The following SZT2 variants were observed in gnomAD, a reference collection of about 807,000 sequenced individuals.
The protein encoded by SZT2 is SZT2 subunit of KICSTOR complex.
A neutral mutation model predicts 404.2 loss-of-function variants in SZT2; 216 were observed. The observed-to-expected ratio is 0.53, with a 90% CI of 0.48 to 0.60. SZT2 has a LOEUF of 0.60. Among genes scored for constraint, SZT2 ranks in the 20% least tolerant of loss-of-function variants. The pLI, the probability that SZT2 is intolerant of heterozygous loss-of-function variation, is 0.00. For synonymous variants in SZT2, 1,693 were observed against 1,749.9 expected, an observed-to-expected ratio of 0.97 and a Z score of 0.81; for missense variants, 3,857 against 4,459.2, an observed-to-expected ratio of 0.86 and a Z score of 3.85.
rs12407785 is a variant in SZT2 at position 43,441,421 on chromosome 1, G to A, written c.7511+41G>A. 0.2 allele frequency: 327,370 copies of A among 1,611,372 alleles called. 35,763 individuals carry two copies. Among genetic ancestry groups the A allele is most frequent in the East Asian group, 0.38 (16,845 of 44,818 alleles). On this transcript the variant is annotated intron_variant, in intron 53 of 71. Coordinates refer to ENST00000634258, the MANE Select transcript of SZT2 (RefSeq NM_001365999.1). The surrounding 1 kb of genome is among the most constrained non-coding windows in gnomAD (Gnocchi z 4.8). ...TGGTGTGCCCTGGGAGGGTATGGGT[G>A]TGAAGTCACAGATGGGCCTTGGTCT...
chr1:43,413,374 T>C (rs1299701000), intron 4 of SZT2, among the ~76,000 whole-genome samples: 4 of 152,078 alleles, frequency 2.6e-5, no homozygotes, highest in Non-Finnish European at 5.9e-5. Flanking sequence ...AGAGCAAGAC[T>C]CCATCTCAAA....
In SZT2 at chr1:43,403,678, G is replaced by A. The variant is rs1325580981; in HGVS notation, c.231G>A (p.Arg77=). 1.9e-6 allele frequency: 3 copies of A among 1,614,186 alleles called. No individual in the cohort carries two copies. The highest frequency in any genetic ancestry group is 1.3e-5 in the African/African-American group (1 of 75,048). Residue 77 remains arginine, a synonymous_variant, in exon 3 of 72, where the codon AGG becomes AGA. Transcript: ENST00000634258. ...GWQPDEPVVP[R]PFLLVPSTRV... is the part of the protein sequence containing the mutation. ...AGCCAGATGAACCAGTGGTCCCAAG[G>A]CCATTCCTCCTGGTACCTTCCACCC...
chr1:43,438,901 G>C (rs751775556), intron 47 of SZT2, 28 bp from the exon 48 acceptor site: 3 of 1,613,886 alleles, frequency 1.9e-6, no homozygotes, highest in Admixed American at 3.3e-5. Flanking sequence ...TCTGCATTCA[G>C]CTCTGCCCTC....
rs775600670 is a variant in SZT2 at position 43,450,302 on chromosome 1, C to T, written c.10156-35C>T. The T allele has an allele frequency of 2.5e-6, 4 of 1,613,816 alleles. No homozygotes were observed. The highest frequency in any genetic ancestry group is 3.4e-6 in the Non-Finnish European group (4 of 1,179,794). On this transcript the variant is annotated intron_variant, in intron 71 of 71. Transcript: ENST00000634258. The surrounding 1 kb of genome is among the most constrained non-coding windows in gnomAD (Gnocchi z 4.3). ...GCCTCCTATCCCCACCCATGCCCTC[C>T]TCTCACCAGTGCATCCCCACCGTGT...
rs1217929763 is a variant in SZT2 at position 43,425,872 on chromosome 1, T to C, written c.2852T>C (p.Leu951Pro). 1 of 1,614,090 alleles carries C rather than the reference T, an allele frequency of 6.2e-7. No individual in the cohort carries two copies. Among genetic ancestry groups the C allele is most frequent in the Non-Finnish European group, 8.5e-7 (1 of 1,179,982 alleles). Residue 951 changes from leucine (L) to proline (P), a missense_variant, in exon 20 of 72, where the codon CTG becomes CCG. By Grantham distance (98) the Leu-to-Pro change is moderately conservative (BLOSUM62 -3). Transcript: ENST00000634258. This position sits in a 1 kb window ranked among gnomAD's most constrained non-coding sequence, Gnocchi z 4.3. ...GATGCTGCCTGCATAGGCTCCATGC[T>C]GAGCTTTGAATACCTGATACAGCTG... ...PRDAACIGSMLSFEYLIQLCQ... is the reference protein window; with the variant it reads ...PRDAACIGSMPSFEYLIQLCQ...
chr1:43,430,562 G>T lies in SZT2; in HGVS notation c.4547G>T (p.Ser1516Ile), dbSNP rs1653745411. Residue 1516 changes from serine (S) to isoleucine (I), a missense_variant, in exon 32 of 72, where the codon AGC becomes ATC. Physicochemically the swap from Ser to Ile is moderately radical, Grantham distance 142. Coordinates refer to ENST00000634258, the MANE Select transcript of SZT2 (RefSeq NM_001365999.1). Reference sequence around the variant, plus strand: ...GAGCTAGAGGTAGAATACCGGGAGAGCCGTGAATCAGACCTGGGGCCTGCT... The same window carrying T: ...GAGCTAGAGGTAGAATACCGGGAGATCCGTGAATCAGACCTGGGGCCTGCT... ...DPELEVEYRE[S>I]RESDLGPAGL... is the part of the protein sequence containing the mutation. 1 of 1,614,082 alleles carries T rather than the reference G, an allele frequency of 6.2e-7. No homozygotes were observed. Among genetic ancestry groups the T allele is most frequent in the South Asian group, 1.1e-5 (1 of 91,090 alleles).
In SZT2 at chr1:43,453,531, G is replaced by T; in HGVS notation, c.*3051G>T. On this transcript the variant is annotated 3_prime_UTR_variant, in exon 72 of 72. Transcript: ENST00000634258. ...AGAACGGGCCTCAGCCCCCGGCTCG[G>T]ACACTCCCCTGCCCGCGCCCCGGCA... 2 of 1,531,502 alleles carry T rather than the reference G, an allele frequency of 1.3e-6. No homozygotes were observed. Among genetic ancestry groups the T allele is most frequent in the Non-Finnish European group, 1.8e-6 (2 of 1,135,686 alleles). 94.9% of individuals were successfully genotyped at this position (1,531,502 alleles called of 1,614,324 possible). A position where few individuals can be genotyped will look rare whatever the true frequency, so the allele number is the denominator to read the frequency against.
rs757645347 is a variant in SZT2 at position 43,425,450 on chromosome 1, G to C, written c.2646-24G>C. 6 of 1,613,636 alleles carry C rather than the reference G, an allele frequency of 3.7e-6. No homozygotes were observed. Among genetic ancestry groups the C allele is most frequent in the Non-Finnish European group, 4.2e-6 (5 of 1,179,636 alleles). On this transcript the variant is annotated intron_variant, in intron 18 of 71. Coordinates refer to ENST00000634258, the MANE Select transcript of SZT2 (RefSeq NM_001365999.1). The surrounding 1 kb of genome is among the most constrained non-coding windows in gnomAD (Gnocchi z 4.3). ...CTCCCTGCCATGAGGCTGTGCATTG[G>C]ACTCAGAGCCCTTCCTCCTTTAGCT...
Position 43,431,289 on chromosome 1 carries a change from A to T in SZT2, c.4941A>T (p.Ser1647=). Residue 1647 remains serine, a synonymous_variant, in exon 34 of 72, where the codon TCA becomes TCT. Transcript: ENST00000634258. Reference sequence around the variant, plus strand: ...GGTCAACATCTGAAAGCAGTGCTTCATTTCCACGATCCCCAGGGCAGCCAT... The same window carrying T: ...GGTCAACATCTGAAAGCAGTGCTTCTTTTCCACGATCCCCAGGGCAGCCAT... The part of the protein sequence containing the change: ...HHRSTSESSA[S]FPRSPGQPSS... 9 of 1,612,224 alleles carry T rather than the reference A, an allele frequency of 5.6e-6. No homozygotes were observed. The highest frequency in any genetic ancestry group is 7.6e-6 in the Non-Finnish European group (9 of 1,179,036).
Position 43,420,032 on chromosome 1 carries a change from C to T in SZT2, c.1090+88C>T, listed in dbSNP as rs561831515. ...GGGCCCTGGAGGACTGAAAGTGTAA[C>T]TGGGGCTGGCTCTGCTGGCACTGTT... On this transcript the variant is annotated intron_variant, in intron 8 of 71. Coordinates refer to ENST00000634258, the MANE Select transcript of SZT2 (RefSeq NM_001365999.1). The surrounding 1 kb of genome is among the most constrained non-coding windows in gnomAD (Gnocchi z 5.1). 13 of 1,567,896 alleles carry T rather than the reference C, an allele frequency of 8.3e-6. No homozygotes were observed. In the East Asian group the frequency reaches 2.5e-4, roughly 30 times the overall value.
In SZT2 at chr1:43,420,607, T is replaced by G; in HGVS notation, c.1262-142T>G. ...TGTGTTTGTGTCAGTGGGCCAACTC[T>G]GGGCCTGAAACCTGTGGAACCATGC... On this transcript the variant is annotated intron_variant, in intron 9 of 71. Coordinates refer to ENST00000634258, the MANE Select transcript of SZT2 (RefSeq NM_001365999.1). This position sits in a 1 kb window ranked among gnomAD's most constrained non-coding sequence, Gnocchi z 5.1. The G allele has an allele frequency of 1.1e-6, 1 of 922,968 alleles. No individual in the cohort carries two copies. The highest frequency in any genetic ancestry group is 1.6e-6 in the Non-Finnish European group (1 of 627,788). The allele number at this position is 922,968 out of a possible 1,614,324, so 57.2% of individuals were successfully genotyped here. A position where few individuals can be genotyped will look rare whatever the true frequency, so the allele number is the denominator to read the frequency against.
At position 43,432,977 on chromosome 1, in the gene SZT2, CA is replaced by C; in HGVS notation, c.5603-11del. 6.2e-7 allele frequency: 1 copy of C among 1,613,798 alleles called. No individual in the cohort carries two copies. The highest frequency in any genetic ancestry group is 8.5e-7 in the Non-Finnish European group (1 of 1,179,914). ...CTTCGGATGGGATTGACCTTCAATG[CA>C]TCTGACACAGGTTATGATGGTGGCA... On this transcript the variant is annotated splice_polypyrimidine_tract_variant and intron_variant, in intron 39 of 71. Transcript: ENST00000634258.
chr1:43,402,250 G>A (rs1337434693), intron 1 of SZT2, among the ~76,000 whole-genome samples: 3 of 152,214 alleles, frequency 2.0e-5, no homozygotes, highest in Non-Finnish European at 2.9e-5. Flanking sequence ...AGTAATGAAT[G>A]TGACAGATAA....
chr1:43,403,894 A>G, intron 3 of SZT2, 120 bp downstream of exon 3: 5 of 1,136,818 alleles, frequency 4.4e-6, no homozygotes, highest in Non-Finnish European at 6.4e-6. Context: ...AGACAGGCTT[A>G]TAAAGGAATG....
At chr1:43,404,831 G>A (rs1650111201) in intron 4 of SZT2, 1 of 305,038 alleles carries the variant, frequency 3.3e-6, no homozygotes, top group Non-Finnish European at 6.0e-6. Context: ...ACCACTGGAT[G>A]TCTGTTTTCT....
In SZT2 at chr1:43,427,435, C is replaced by T. The variant is rs1450358043; in HGVS notation, c.3588C>T (p.Thr1196=). 6 of 1,612,270 alleles carry T rather than the reference C, an allele frequency of 3.7e-6. No homozygotes were observed. Among genetic ancestry groups the T allele is most frequent in the African/African-American group, 1.3e-5 (1 of 74,886 alleles). Residue 1196 remains threonine (T), a synonymous_variant, in exon 25 of 72, where the codon ACC becomes ACT. Coordinates refer to ENST00000634258, the MANE Select transcript of SZT2 (RefSeq NM_001365999.1). ...TKSHVPVLSV[T]LASDNAQNQG... is the part of the protein sequence containing the mutation. ...CCCACGTCCCTGTCCTCAGTGTGAC[C>T]CTGGCTAGTGGTAAGGCTGCCGACT...
At chr1:43,396,246 A>G (rs1049540126) in intron 1 of SZT2, among the ~76,000 whole-genome samples, 6 of 152,240 alleles carry the variant, frequency 3.9e-5, no homozygotes, top group African/African-American at 1.4e-4. Context: ...ACTTGAAACC[A>G]TGCCATTTGA....
Position 43,427,596 on chromosome 1 carries a change from G to T in SZT2, c.3665G>T (p.Arg1222Leu), listed in dbSNP as rs368376076. 6.2e-7 allele frequency: 1 copy of T among 1,614,130 alleles called. No individual in the cohort carries two copies. Among genetic ancestry groups the T allele is most frequent in the Non-Finnish European group, 8.5e-7 (1 of 1,180,058 alleles). ...CGAGACTTACAGGCTTACGCTGGGC[G>T]TCAGGCTTCCCAGACAGAGAGTGCG... ...FRRDLQAYAG[R>L]QASQTESADG... is the part of the protein sequence containing the mutation. The change falls in exon 26 of 72, where the codon CGT (arginine) becomes CTT (leucine). Residue 1222 changes from arginine to leucine, a missense_variant. Transcript: ENST00000634258.
At position 43,428,371 on chromosome 1, in the gene SZT2, T is replaced by C. The variant is rs72883814; in HGVS notation, c.4051T>C (p.Trp1351Arg). ...PFLLALCGHT[W>R]GLPHAPPSPG... ...TCTCCTTGCATTGTGTGGCCACACT[T>C]GGGGTTTGCCTCATGCACCCCCAAG... Residue 1351 changes from tryptophan (W) to arginine (R), a missense_variant, in exon 28 of 72, where the codon TGG (tryptophan) becomes CGG (arginine). By Grantham distance (101) the Trp-to-Arg change is moderately radical. Coordinates refer to ENST00000634258, the MANE Select transcript of SZT2 (RefSeq NM_001365999.1). The C allele has an allele frequency of 1.4e-3, 2,290 of 1,614,172 alleles. 24 individuals carry two copies. In the African/African-American group the frequency reaches 0.027, roughly 19 times the overall value.
Sources: allele counts gnomAD v4.1 joint callset (sites outside exome capture counted in the v4.1 genomes callset), GRCh38; gene constraint gnomAD v4.1.1; non-coding constraint Gnocchi (gnomAD v3.1); transcripts MANE v1.5; gene names NCBI Gene and HGNC (gene_info 2026-07-23, HGNC 2026-07-21).